Variants in PANX1 observed in about 807,000 individuals in gnomAD.
The protein encoded by PANX1 is pannexin-1.
Under a neutral mutation model 38.7 loss-of-function variants are expected in PANX1, and 30 were observed. The ratio of observed to expected loss-of-function variants is 0.78; its 90% CI spans 0.58 to 1.05. The LOEUF is 1.05. Ranked by LOEUF, PANX1 falls within the 50% of genes least tolerant of loss-of-function variation. The pLI is 0.00. For missense variants in PANX1, 551 were observed against 517.2 expected, an observed-to-expected ratio of 1.07 and a Z score of -0.63; for synonymous variants, 230 against 212.2, an observed-to-expected ratio of 1.08 and a Z score of -0.73.
rs1295932769 is a variant in PANX1 at position 94,174,364 on chromosome 11, A to G, written c.322-4005A>G. 2.6e-5 allele frequency among the ~76,000 whole-genome samples: 4 copies of G among 151,346 alleles called. 1 individual carries two copies. Among genetic ancestry groups the G allele is most frequent in the African/African-American group, 9.8e-5 (4 of 40,750 alleles). Reference sequence around the variant, plus strand: ...GGATGAGTGAGAATTCAACAGACAAACACGGAGGAAAGGATTCCAAGCAGA... The same window carrying G: ...GGATGAGTGAGAATTCAACAGACAAGCACGGAGGAAAGGATTCCAAGCAGA... On this transcript the variant is annotated intron_variant, in intron 2 of 4. Coordinates refer to ENST00000227638, the MANE Select transcript of PANX1 (RefSeq NM_015368.4).
intron 2 of PANX1, among the ~76,000 whole-genome samples, chr11:94,158,347 C>T (rs1946980385): frequency 6.6e-6 from 1 of 152,158 alleles, no homozygotes; most frequent in African/African-American, 2.4e-5. Flanking sequence ...GCAGTATGGC[C>T]ATTTTCATGA....
intron 1 of PANX1, among the ~76,000 whole-genome samples, chr11:94,145,143 C>G (rs938389235): frequency 6.6e-6 from 1 of 152,100 alleles, no homozygotes; most frequent in South Asian, 2.1e-4. Context: ...TGAAGCAAGC[C>G]AAAGAGGACT....
chr11:94,133,432 A>C (rs375000504), intron 1 of PANX1, among the ~76,000 whole-genome samples: 1 of 152,132 alleles, frequency 6.6e-6, no homozygotes, highest in Non-Finnish European at 1.5e-5. Context: ...TCTTTGCGGC[A>C]GCCACTCATT....
At chr11:94,170,946 C>CT (rs147295223) in intron 2 of PANX1, among the ~76,000 whole-genome samples, 2,396 of 151,780 alleles carry the variant, frequency 0.016, 144 homozygotes, top group African/African-American at 0.056. Flanking sequence ...CATGGACTTG[C>CT]GTAATTTCTT....
chr11:94,179,683 AATC>A lies in PANX1; in HGVS notation c.632_634del (p.Ile211del). On this transcript the variant is annotated inframe_deletion, in exon 4 of 5. Coordinates refer to ENST00000227638, the MANE Select transcript of PANX1 (RefSeq NM_015368.4). ...AGACAAAGAAAAATTCTAATAATTT[AATC>A]ATCAAGTACATTAGCTGCCGCCTGC... The A allele has an allele frequency of 6.2e-7, 1 of 1,613,640 alleles. No homozygotes were observed.
chr11:94,154,251 C>A (rs557488620), intron 2 of PANX1, among the ~76,000 whole-genome samples: 14 of 152,142 alleles, frequency 9.2e-5, no homozygotes, highest in Non-Finnish European at 1.8e-4. Context: ...ACTCCACTTC[C>A]CATAGAGAAG....
chr11:94,171,856 G>A (rs1350801086), intron 2 of PANX1, among the ~76,000 whole-genome samples: 3 of 150,532 alleles, frequency 2.0e-5, no homozygotes, highest in African/African-American at 7.4e-5. Context: ...ACAGTCTCGG[G>A]GGGTGGGGGG....
intron 2 of PANX1, among the ~76,000 whole-genome samples, chr11:94,162,312 CAGAGGTGGAGTCTACAG>C (rs1002091266): frequency 3.9e-5 from 6 of 152,206 alleles, no homozygotes; most frequent in Admixed American, 3.9e-4. Context: ...TCCCTGTCCC[CAGAGGTGGAGTCTACAG>C]AGGCAGGCAG....
chr11:94,156,756 A>G (rs1027864813), intron 2 of PANX1, among the ~76,000 whole-genome samples: 2 of 147,154 alleles, frequency 1.4e-5, no homozygotes, highest in Non-Finnish European at 3.0e-5. Flanking sequence ...TTTAAGTTTT[A>G]GGGTACATGT....
chr11:94,168,101 A>G (rs1947122956), intron 2 of PANX1, among the ~76,000 whole-genome samples: 1 of 152,230 alleles, frequency 6.6e-6, no homozygotes, highest in South Asian at 2.1e-4. Context: ...CAATTTCTTC[A>G]CAATTTTTTT....
chr11:94,178,611 G>T lies in PANX1; in HGVS notation c.545+19G>T. ...GGCAAAGGTAACTTAGCCCCAGCAGGCAGCTCATCGGGTTTTGTAGGACAA... is the reference window on the plus strand; with the variant it reads ...GGCAAAGGTAACTTAGCCCCAGCAGTCAGCTCATCGGGTTTTGTAGGACAA... On this transcript the variant is annotated intron_variant, in intron 3 of 4. Transcript: ENST00000227638. 1 of 1,584,096 alleles carries T rather than the reference G, an allele frequency of 6.3e-7. No homozygotes were observed. The highest frequency in any genetic ancestry group is 8.7e-7 in the Non-Finnish European group (1 of 1,153,202).
intron 1 of PANX1, among the ~76,000 whole-genome samples, chr11:94,132,961 T>C (rs1416770469): frequency 6.6e-6 from 1 of 152,212 alleles, no homozygotes; most frequent in Admixed American, 6.5e-5. Context: ...AGAGGGAATG[T>C]CCTCATATGA....
chr11:94,175,878 C>T, intron 2 of PANX1: 1 of 984,838 alleles, frequency 1.0e-6, no homozygotes, highest in Non-Finnish European at 1.2e-6. Context: ...CAAAGTAAAG[C>T]AGCTGTCTTG....
intron 2 of PANX1, among the ~76,000 whole-genome samples, chr11:94,169,920 T>C (rs755007568): frequency 4.6e-5 from 7 of 151,750 alleles, no homozygotes; most frequent in Admixed American, 3.3e-4. Flanking sequence ...AAATGAAGAT[T>C]CAGCCTAATT....
chr11:94,155,227 G>A (rs1042063128), intron 2 of PANX1, among the ~76,000 whole-genome samples: 3 of 151,980 alleles, frequency 2.0e-5, no homozygotes, highest in Admixed American at 6.6e-5. Context: ...ACGGGTGCCT[G>A]TAATCCCAGC....
chr11:94,160,307 G>T (rs1174557919), intron 2 of PANX1, among the ~76,000 whole-genome samples: 1 of 152,106 alleles, frequency 6.6e-6, no homozygotes, highest in Non-Finnish European at 1.5e-5. Context: ...TCGTTGCTCT[G>T]TCTAATGTTG....
At chr11:94,179,487 AAAG>A in intron 3 of PANX1, 112 bp from the exon 4 acceptor site, 2 of 673,478 alleles carry the variant, frequency 3.0e-6, no homozygotes, top group South Asian at 3.8e-5. Context: ...CGTTGTAGGT[AAAG>A]AAGTATGGGT....
intron 2 of PANX1, among the ~76,000 whole-genome samples, chr11:94,159,955 A>G (rs1274408552): frequency 1.3e-5 from 2 of 151,814 alleles, no homozygotes; most frequent in African/African-American, 4.8e-5. Flanking sequence ...TTCAAAGAAC[A>G]TCTTTATTTC....
chr11:94,161,548 T>C (rs1462856816), intron 2 of PANX1, among the ~76,000 whole-genome samples: 1 of 152,248 alleles, frequency 6.6e-6, no homozygotes, highest in African/African-American at 2.4e-5. Flanking sequence ...CAGGTAGTTC[T>C]CGTGCCGTGG....
Sources: gnomAD v4.1 joint callset for allele counts (sites outside exome capture counted in the v4.1 genomes callset) on GRCh38, gnomAD v4.1.1 for gene constraint, MANE v1.5 for transcripts, NCBI Gene and HGNC (gene_info 2026-07-23, HGNC 2026-07-21) for gene names.